The following IL4I1 variants were observed in gnomAD, a reference collection of about 807,000 sequenced individuals.
IL4I1 encodes L-amino-acid oxidase.
Under a neutral mutation model 29.7 loss-of-function variants are expected in IL4I1, and 24 were observed. The ratio of observed to expected loss-of-function variants is 0.81; its 90% CI spans 0.59 to 1.14. The LOEUF (loss-of-function observed/expected upper bound fraction) is 1.14. Ranked by LOEUF, IL4I1 falls within the 50% of genes most tolerant of loss-of-function variation. IL4I1 has a pLI of 0.00. For missense variants in IL4I1, 686 were observed against 785.6 expected, an observed-to-expected ratio of 0.87 and a Z score of 1.52; for synonymous variants, 371 against 352.5, an observed-to-expected ratio of 1.05 and a Z score of -0.59.
At chr19:49,917,586 G>A (rs1468672521) in intron 2 of IL4I1, 2 of 152,234 alleles carry the variant, frequency 1.3e-5, no homozygotes, top group African/African-American at 2.4e-5. Context: ...TCAGGGTCTG[G>A]GTTATGTTGG....
At chr19:49,909,920 T>G (rs901086074) in intron 2 of IL4I1, 9 of 1,182,038 alleles carry the variant, frequency 7.6e-6, no homozygotes, top group Non-Finnish European at 1.1e-5. Context: ...AGATGGCAGT[T>G]TTGGAAAGGC....
intron 1 of IL4I1, 97 bp from the exon 2 acceptor site, chr19:49,896,279 C>A: frequency 7.2e-7 from 1 of 1,388,666 alleles, no homozygotes; most frequent in Non-Finnish European, 9.6e-7. Flanking sequence ...CTAGAGCCGG[C>A]CCTCCCCCAG....
At chr19:49,917,828 C>G (rs1044200780) in intron 2 of IL4I1, 8 of 152,142 alleles carry the variant, frequency 5.3e-5, no homozygotes, top group African/African-American at 1.7e-4. Flanking sequence ...GTCAGGAGTT[C>G]GAGACCAAGC....
At chr19:49,914,726 G>GTTTTTTTTGTTT (rs2075576039) in intron 2 of IL4I1, among the ~76,000 whole-genome samples, 1 of 56,362 alleles carries the variant, frequency 1.8e-5, no homozygotes, top group Non-Finnish European at 3.2e-5. Flanking sequence ...CCAAGTCCCA[G>GTTTTTTTTGTTT]TTTTTTTTTT....
In IL4I1 at chr19:49,896,045, G is replaced by C. The variant is rs1364555592; in HGVS notation, c.22C>G (p.Leu8Val). Residue 8 changes from leucine (L) to valine (V), a missense_variant, in exon 3 of 8, where the codon CTC (leucine) becomes GTC (valine). Coordinates refer to ENST00000391826, the MANE Select transcript of IL4I1 (RefSeq NM_152899.2). ...AGGAGGATGGGGACGAGGACGAGGAGGTGCAGGGCTGGGAGGAGGAGGACA... is the reference window on the plus strand; with the variant it reads ...AGGAGGATGGGGACGAGGACGAGGACGTGCAGGGCTGGGAGGAGGAGGACA... MAPLALH[L>V]LVLVPILLSL... The C allele has an allele frequency of 6.2e-7, 1 of 1,613,960 alleles. No individual in the cohort carries two copies. The highest frequency in any genetic ancestry group is 2.2e-5 in the East Asian group (1 of 44,874).
In IL4I1 at chr19:49,894,390, C is replaced by T. The variant is rs144660519; in HGVS notation, c.445G>A (p.Val149Met). ...TQYDKNTWTE[V>M]HEVKLRNYVV... ...TAGTTGCGCAGCTTCACTTCGTGCACCTCCGTCCACGTGTTCTTGTCGTAC... is the reference window on the plus strand; with the variant it reads ...TAGTTGCGCAGCTTCACTTCGTGCATCTCCGTCCACGTGTTCTTGTCGTAC... Residue 149 changes from valine to methionine, a missense_variant, in exon 5 of 8, where the codon GTG becomes ATG. By Grantham distance (21) the Val-to-Met change is conservative (BLOSUM62 1). Coordinates refer to ENST00000391826, the MANE Select transcript of IL4I1 (RefSeq NM_152899.2). 2,412 of 1,614,234 alleles carry T rather than the reference C, an allele frequency of 1.5e-3. 4 individuals are homozygous for T. Among genetic ancestry groups the T allele is most frequent in the Non-Finnish European group, 2.0e-3 (2,320 of 1,180,050 alleles).
intron 2 of IL4I1, among the ~76,000 whole-genome samples, chr19:49,924,150 C>T (rs964884072): frequency 3.9e-5 from 6 of 152,204 alleles, no homozygotes; most frequent in Admixed American, 6.5e-5. Flanking sequence ...ACACCATGGG[C>T]CTCGGGGCCC....
rs2075132733 is a variant in IL4I1 at position 49,891,100 on chromosome 19, AGAT to A, written c.641_643del (p.Tyr214_Leu215delinsPhe). The A allele has an allele frequency of 6.2e-7, 1 of 1,612,524 alleles. No homozygotes were observed. Among genetic ancestry groups the A allele is most frequent in the Admixed American group, 1.7e-5 (1 of 59,710 alleles). On this transcript the variant is annotated inframe_deletion, in exon 7 of 8. Transcript: ENST00000391826. ...CCGGCTCAGGTTCCCCTCCCCGAGA[AGAT>A]ATTCCTGCAGGTTGGGCACAGGCCG...
intron 2 of IL4I1, among the ~76,000 whole-genome samples, chr19:49,919,236 G>T (rs2075705569): frequency 6.6e-6 from 1 of 152,130 alleles, no homozygotes; most frequent in Non-Finnish European, 1.5e-5. Flanking sequence ...GAATAGTGTG[G>T]CCTGTCTTCC....
intron 2 of IL4I1, among the ~76,000 whole-genome samples, chr19:49,920,529 C>G (rs1172734844): frequency 6.6e-6 from 1 of 152,194 alleles, no homozygotes. Context: ...CTCAACCAAC[C>G]AACCGACCAA....
Position 49,909,964 on chromosome 19 carries a change from G to A in IL4I1, c.-227-5643C>T. 5.3e-6 allele frequency: 4 copies of A among 755,724 alleles called. No homozygotes were observed. In the East Asian group the frequency reaches 1.1e-4, roughly 20 times the overall value. 46.8% of individuals were successfully genotyped at this position (755,724 alleles called of 1,614,324 possible). On this transcript the variant is annotated intron_variant, in intron 2 of 9. Coordinates refer to the IL4I1 transcript ENST00000341114. Reference sequence around the variant, plus strand: ...TGGCATGACTGGGCACAGTCGGTTTGGAGGGTGGTGGGATGGGATAATGAT... The same window carrying A: ...TGGCATGACTGGGCACAGTCGGTTTAGAGGGTGGTGGGATGGGATAATGAT...
intron 2 of IL4I1, among the ~76,000 whole-genome samples, chr19:49,914,294 G>T (rs907905468): frequency 2.0e-5 from 3 of 152,192 alleles, no homozygotes; most frequent in African/African-American, 7.2e-5. Flanking sequence ...GGTGCTGGTG[G>T]CGGTGGAGGA....
chr19:49,895,150 CG>C lies in IL4I1; in HGVS notation c.282del (p.Ile94MetfsTer42). On this transcript the variant is annotated frameshift_variant, in exon 4 of 8. Transcript: ENST00000391826. LOFTEE classifies it high-confidence loss of function. ...TCCCGGTAGGTGAAGATGCGGCCCC[CG>C]ATCCTGTTATCTGCCTCCAGGATGG... ...KVTILEADNRIGGRIFTYRDQ... is the reference protein window; with the variant it reads ...KVTILEADNRXGGRIFTYRDQ... The C allele has an allele frequency of 6.2e-7, 1 of 1,613,858 alleles. No homozygotes were observed. Among genetic ancestry groups the C allele is most frequent in the South Asian group, 1.1e-5 (1 of 91,088 alleles).
At chr19:49,900,685 G>A (rs928647779), upstream of IL4I1, among the ~76,000 whole-genome samples, 5 of 152,174 alleles carry the variant, frequency 3.3e-5, no homozygotes, top group African/African-American at 4.8e-5. Flanking sequence ...TTGGATAGGT[G>A]AGTGGGAGAC....
Position 49,890,150 on chromosome 19 carries a change from G to T in IL4I1, c.1224C>A (p.Ala408=). Residue 408 remains alanine (A), a synonymous_variant, in exon 8 of 8, where the codon GCC becomes GCA. Transcript: ENST00000391826. ...GCAACGCCTCTTCCCGGCTCAAGCC[G>T]GCGAACGCTGCCGCCGCGTCCGACC... ...YTWSDAAAAF[A]GLSREEALRL... 2.6e-6 allele frequency: 4 copies of T among 1,541,304 alleles called. No individual in the cohort carries two copies. Among genetic ancestry groups the T allele is most frequent in the Non-Finnish European group, 3.5e-6 (4 of 1,143,076 alleles).
Position 49,896,071 on chromosome 19 carries a change from G to A in IL4I1, c.14-18C>T, listed in dbSNP as rs766592526. ...GTGCAGGGCTGGGAGGAGGAGGACA[G>A]GGTCAACGGGGTTGTGGCAGGTCGG... On this transcript the variant is annotated intron_variant, in intron 2 of 7. Coordinates refer to ENST00000391826, the MANE Select transcript of IL4I1 (RefSeq NM_152899.2). The A allele has an allele frequency of 6.2e-7, 1 of 1,611,000 alleles. No homozygotes were observed. The highest frequency in any genetic ancestry group is 1.7e-5 in the Admixed American group (1 of 59,388).
Position 49,895,875 on chromosome 19 carries a change from C to G in IL4I1, c.192G>C (p.Val64=). The G allele has an allele frequency of 6.2e-7, 1 of 1,614,210 alleles. No individual in the cohort carries two copies. Among genetic ancestry groups the G allele is most frequent in the Non-Finnish European group, 8.5e-7 (1 of 1,180,036 alleles). The part of the protein sequence containing the change: ...NRTLKPQRVI[V]VGAGVAGLVA... Reference sequence around the variant, plus strand: ...CCAGCCCGGCCACACCAGCGCCAACCACAATCACCCTCTGGGGCTTCAGGG... The same window carrying G: ...CCAGCCCGGCCACACCAGCGCCAACGACAATCACCCTCTGGGGCTTCAGGG... The change falls in exon 3 of 8, where the codon GTG becomes GTC. Residue 64 remains valine, a synonymous_variant. Coordinates refer to ENST00000391826, the MANE Select transcript of IL4I1 (RefSeq NM_152899.2).
At chr19:49,896,324 C>G (rs1446738268) in intron 1 of IL4I1, 142 bp from the exon 2 acceptor site, 1 of 1,066,826 alleles carries the variant, frequency 9.4e-7, no homozygotes, top group East Asian at 2.6e-5. Context: ...TGTCCCCTAA[C>G]CCCATTCCTT....
At chr19:49,923,447 CTT>C (rs1321088671) in intron 2 of IL4I1, among the ~76,000 whole-genome samples, 1 of 152,226 alleles carries the variant, frequency 6.6e-6, no homozygotes. Flanking sequence ...AGGGCCCTGA[CTT>C]TGCCCTCGAA....
Sources: allele counts gnomAD v4.1 joint callset (sites outside exome capture counted in the v4.1 genomes callset), GRCh38; gene constraint gnomAD v4.1.1; transcripts MANE v1.5; gene names NCBI Gene and HGNC (gene_info 2026-07-23, HGNC 2026-07-21).